FNDC1: variants seen among roughly 807,000 people sequenced by gnomAD.
The protein encoded by FNDC1 is fibronectin type III domain-containing protein 1.
Under a neutral mutation model 168.0 loss-of-function variants are expected in FNDC1, and 96 were observed. The observed-to-expected ratio is 0.57, with a 90% CI of 0.48 to 0.68. The LOEUF is 0.68. Ranked by LOEUF, FNDC1 falls within the 30% of genes least tolerant of loss-of-function variation. FNDC1 has a pLI of 0.00. For missense variants in FNDC1, 2,587 were observed against 2,482.1 expected (o/e 1.04, Z -0.90); for synonymous variants, 1,099 against 1,025.9 (o/e 1.07, Z -1.36).
chr6:159,212,097 G>T (rs1233731411), intron 4 of FNDC1, among the ~76,000 whole-genome samples: 1 of 152,240 alleles, frequency 6.6e-6, no homozygotes, highest in Non-Finnish European at 1.5e-5. Flanking sequence ...GATGGTAATT[G>T]TTTCACCCAG....
At position 159,232,827 on chromosome 6, in the gene FNDC1, C is replaced by T. The variant is rs765391579; in HGVS notation, c.2315C>T (p.Ser772Leu). The T allele has an allele frequency of 3.7e-6, 6 of 1,613,968 alleles. No homozygotes were observed. The highest frequency in any genetic ancestry group is 1.1e-5 in the South Asian group (1 of 91,090). ...TCCTCCTCCGTCTCTTCTCATCTCT[C>T]GTCCAGGACGCAGGTCTCTGAGGGA... ...TMSSSVSSHL[S>L]SRTQVSEGAE... The change falls in exon 11 of 23, where the codon TCG (serine) becomes TTG (leucine). Residue 772 changes from serine (S) to leucine (L), a missense_variant. Transcript: ENST00000297267. The surrounding 1 kb of genome is among the most constrained non-coding windows in gnomAD (Gnocchi z 4.9).
chr6:159,204,641 C>T (rs1286315807), intron 4 of FNDC1, among the ~76,000 whole-genome samples: 1 of 152,220 alleles, frequency 6.6e-6, no homozygotes, highest in Non-Finnish European at 1.5e-5. Context: ...GCTACCTCTG[C>T]CCGTCGCTCT....
At chr6:159,249,310 C>T (rs1777207732) in intron 16 of FNDC1, 128 bp downstream of exon 16, 3 of 846,004 alleles carry the variant, frequency 3.5e-6, no homozygotes, top group Non-Finnish European at 5.4e-6. Context: ...ATGAAGTTTC[C>T]ACTGGGGATA....
At chr6:159,176,749 G>A (rs1165882624) in intron 1 of FNDC1, among the ~76,000 whole-genome samples, 1 of 152,092 alleles carries the variant, frequency 6.6e-6, no homozygotes, top group Non-Finnish European at 1.5e-5. Context: ...CATGTCGCTG[G>A]GTCAGTGGGA....
chr6:159,271,372 T>C lies in FNDC1; in HGVS notation c.5615T>C (p.Ile1872Thr). ...YRQEPVRFGN[I>T]GFGTPYYYVG... ...CAGGAGCCTGTCAGGTTTGGGAACA[T>C]CGGCTTCGGAACCCCCTACTACTAT... The change falls in exon 23 of 23, where the codon ATC becomes ACC. Residue 1872 changes from isoleucine to threonine, a missense_variant. Coordinates refer to ENST00000297267, the MANE Select transcript of FNDC1 (RefSeq NM_032532.3). 1 of 1,612,574 alleles carries C rather than the reference T, an allele frequency of 6.2e-7. No individual in the cohort carries two copies. Among genetic ancestry groups the C allele is most frequent in the African/African-American group, 1.3e-5 (1 of 75,006 alleles).
intron 16 of FNDC1, among the ~76,000 whole-genome samples, chr6:159,251,014 T>C (rs948870141): frequency 3.3e-5 from 5 of 152,208 alleles, no homozygotes; most frequent in African/African-American, 1.2e-4. Flanking sequence ...AGGCTTATAT[T>C]ACATTGAATT....
intron 10 of FNDC1, among the ~76,000 whole-genome samples, chr6:159,230,952 G>A (rs894585331): frequency 2.4e-5 from 3 of 123,088 alleles, no homozygotes; most frequent in African/African-American, 1.3e-4. Flanking sequence ...CCTATCCCAG[G>A]AGTTTTTTTT....
rs758231463 is a variant in FNDC1, at chr6:159,233,321, C to T, written c.2809C>T (p.His937Tyr). Residue 937 changes from histidine to tyrosine, a missense_variant, in exon 11 of 23, where the codon CAT (histidine) becomes TAT (tyrosine). His to Tyr is a moderately conservative substitution (Grantham distance 83). Transcript: ENST00000297267. This position sits in a 1 kb window ranked among gnomAD's most constrained non-coding sequence, Gnocchi z 4.6. ...CCCCAAATCCACAGGGGCAGATACA[C>T]ATCCTCAGGGCAAGTACTCCTCCCT... Reference protein sequence around the residue: ...ENPKSTGADTHPQGKYSSLAS... With the variant: ...ENPKSTGADTYPQGKYSSLAS... The T allele has an allele frequency of 1.9e-6, 3 of 1,613,976 alleles. No individual in the cohort carries two copies. The highest frequency in any genetic ancestry group is 4.5e-5 in the East Asian group (2 of 44,878).
chr6:159,177,176 G>A (rs374731312), intron 1 of FNDC1, among the ~76,000 whole-genome samples: 5 of 152,078 alleles, frequency 3.3e-5, no homozygotes, highest in South Asian at 4.2e-4. Flanking sequence ...GTTCATGGGC[G>A]GGGAGTGGTA....
At chr6:159,188,369 C>CTTTTT (rs61551779) in intron 1 of FNDC1, among the ~76,000 whole-genome samples, 118 of 128,632 alleles carry the variant, frequency 9.2e-4, no homozygotes, top group Non-Finnish European at 1.6e-3. Flanking sequence ...CAATTTCTTT[C>CTTTTT]TTTTTTTTTT....
chr6:159,232,789 A>G lies in FNDC1; in HGVS notation c.2277A>G (p.Ser759=). The change falls in exon 11 of 23, where the codon TCA becomes TCG. Residue 759 remains serine (S), a synonymous_variant. Transcript: ENST00000297267. This position sits in a 1 kb window ranked among gnomAD's most constrained non-coding sequence, Gnocchi z 4.9. The part of the protein sequence containing the change: ...DAPATNSNAP[S]RSTMSSSVSS... The stretch of plus-strand genomic sequence containing the variant: ...CAGCCACCAACTCCAATGCGCCATC[A>G]CGGTCCACCATGTCCTCCTCCGTCT... 2 of 1,613,936 alleles carry G rather than the reference A, an allele frequency of 1.2e-6. No homozygotes were observed. Among genetic ancestry groups the G allele is most frequent in the Admixed American group, 3.3e-5 (2 of 60,022 alleles).
chr6:159,200,810 T>C (rs1487336930), intron 4 of FNDC1, among the ~76,000 whole-genome samples: 2 of 152,362 alleles, frequency 1.3e-5, no homozygotes, highest in African/African-American at 4.8e-5. Context: ...CGTGGGGAAG[T>C]GTCTGCGTCT....
chr6:159,172,106 T>C (rs1489166540), intron 1 of FNDC1, among the ~76,000 whole-genome samples: 1 of 152,208 alleles, frequency 6.6e-6, no homozygotes, highest in African/African-American at 2.4e-5. Context: ...CACAGTAAAA[T>C]TATTAATTTT....
chr6:159,178,580 C>T (rs1056289056), intron 1 of FNDC1, among the ~76,000 whole-genome samples: 1 of 152,098 alleles, frequency 6.6e-6, no homozygotes, highest in African/African-American at 2.4e-5. Context: ...CTCCCATCCA[C>T]CCCAGACACA....
At chr6:159,183,384 T>C (rs1297802883) in intron 1 of FNDC1, among the ~76,000 whole-genome samples, 2 of 152,234 alleles carry the variant, frequency 1.3e-5, no homozygotes, top group Admixed American at 6.5e-5. Flanking sequence ...CTGGTTCTCC[T>C]ACCACTAAAA....
intron 22 of FNDC1, among the ~76,000 whole-genome samples, chr6:159,269,282 A>G (rs921832482): frequency 1.2e-4 from 5 of 41,400 alleles, no homozygotes; most frequent in Non-Finnish European, 4.2e-4. Context: ...CTATCTATCT[A>G]TCTATCTATC....
chr6:159,216,633 T>A (rs1160941855), intron 5 of FNDC1, among the ~76,000 whole-genome samples: 1 of 152,178 alleles, frequency 6.6e-6, no homozygotes, highest in African/African-American at 2.4e-5. Context: ...CAAGCATAAC[T>A]GGGCCCTTTC....
chr6:159,247,115 G>T, intron 15 of FNDC1, 146 bp downstream of exon 15: 1 of 658,230 alleles, frequency 1.5e-6, no homozygotes, highest in Non-Finnish European at 2.7e-6. Context: ...TTAGGGAAGG[G>T]TGGTTGTACC....
chr6:159,212,675 T>C (rs892574918), intron 4 of FNDC1, among the ~76,000 whole-genome samples: 4 of 152,168 alleles, frequency 2.6e-5, no homozygotes, highest in Admixed American at 6.5e-5. Flanking sequence ...TCCTGGGTGG[T>C]ATTTGGTGAC....
Sources: allele counts gnomAD v4.1 joint callset (sites outside exome capture counted in the v4.1 genomes callset), GRCh38; gene constraint gnomAD v4.1.1; non-coding constraint Gnocchi (gnomAD v3.1); transcripts MANE v1.5; gene names NCBI Gene and HGNC (gene_info 2026-07-23, HGNC 2026-07-21).